The following CLVS1 variants were observed in gnomAD, a reference collection of about 807,000 sequenced individuals.
CLVS1 encodes clavesin 1.
Under a neutral mutation model 33.1 loss-of-function variants are expected in CLVS1, and 10 were observed. That is an observed-to-expected ratio of 0.30 (90% CI 0.19 to 0.51). The LOEUF (loss-of-function observed/expected upper bound fraction) is 0.51. Ranked by LOEUF, CLVS1 falls within the 20% of genes least tolerant of loss-of-function variation. The pLI is 0.97. For synonymous variants in CLVS1, 163 were observed against 166.1 expected (o/e 0.98, Z 0.14); for missense variants, 343 against 433.4 (o/e 0.79, Z 1.85).
chr8:61,019,626 G>A, the CLVS1 span, among the ~76,000 whole-genome samples: 1 of 152,122 alleles, frequency 6.6e-6, no homozygotes, highest in African/African-American at 2.4e-5. Context: ...ATTCTAGAAT[G>A]TCTTAAGCTC....
chr8:61,398,434 G>A (rs767835962), intron 3 of CLVS1, among the ~76,000 whole-genome samples: 12 of 151,898 alleles, frequency 7.9e-5, no homozygotes, highest in South Asian at 2.1e-4. Flanking sequence ...CACCTGCCTC[G>A]GCCTCCCAAA....
the CLVS1 span, among the ~76,000 whole-genome samples, chr8:61,019,500 C>CAAA: frequency 6.6e-6 from 1 of 152,146 alleles, no homozygotes; most frequent in Non-Finnish European, 1.5e-5. Flanking sequence ...TCAAACTCAA[C>CAAA]AATCACTAAG....
chr8:60,977,780 G>A, the CLVS1 span, among the ~76,000 whole-genome samples: 1 of 152,122 alleles, frequency 6.6e-6, no homozygotes, highest in Non-Finnish European at 1.5e-5. Context: ...CCTAATCTGA[G>A]GAAATACATG....
chr8:61,357,230 G>T (rs1453550725), intron 2 of CLVS1, among the ~76,000 whole-genome samples: 1 of 152,042 alleles, frequency 6.6e-6, no homozygotes, highest in East Asian at 1.9e-4. Flanking sequence ...AAAACAATAG[G>T]CTAAGCCAAA....
chr8:60,987,468 G>C, the CLVS1 span, among the ~76,000 whole-genome samples: 5 of 152,146 alleles, frequency 3.3e-5, no homozygotes, highest in African/African-American at 4.8e-5. Context: ...CTGTTTGTTG[G>C]AGGAAGGAAG....
chr8:61,463,863 T>TC (rs1041399139), intron 5 of CLVS1, among the ~76,000 whole-genome samples: 65 of 151,770 alleles, frequency 4.3e-4, no homozygotes, highest in African/African-American at 1.5e-3. Flanking sequence ...GCTCGGGAGT[T>TC]CAAGATCATC....
intron 1 of CLVS1, among the ~76,000 whole-genome samples, chr8:61,099,423 A>AT (rs1247464348): frequency 6.6e-6 from 1 of 152,016 alleles, no homozygotes; most frequent in Non-Finnish European, 1.5e-5. Flanking sequence ...TTTAACAAAT[A>AT]TTTTTCGAGT....
intron 4 of CLVS1, among the ~76,000 whole-genome samples, chr8:61,456,293 G>A (rs538837020): frequency 2.0e-5 from 3 of 152,272 alleles, no homozygotes; most frequent in Non-Finnish European, 4.4e-5. Flanking sequence ...GTTGGGTGGA[G>A]GGGTACAAAT....
In CLVS1 at chr8:61,501,118, C is replaced by T. The variant is rs1240498232; in HGVS notation, c.*1576C>T. On this transcript the variant is annotated 3_prime_UTR_variant, in exon 6 of 6. Coordinates refer to ENST00000325897, the MANE Select transcript of CLVS1 (RefSeq NM_173519.3). ...TTAAACTAATTCATTTTTGTGTAGA[C>T]ATACGAAATCACAAAAATAATAACA... 6.6e-6 allele frequency: 1 copy of T among 152,030 alleles called. No individual in the cohort carries two copies. Among genetic ancestry groups the T allele is most frequent in the Admixed American group, 6.5e-5 (1 of 15,268 alleles). The allele number at this position is 152,030 out of a possible 1,614,324, so 9.4% of individuals were successfully genotyped here. A position where few individuals can be genotyped will look rare whatever the true frequency, so the allele number is the denominator to read the frequency against.
chr8:61,464,265 C>A (rs1279814536), intron 5 of CLVS1, among the ~76,000 whole-genome samples: 1 of 152,116 alleles, frequency 6.6e-6, no homozygotes, highest in African/African-American at 2.4e-5. Flanking sequence ...ACGTGAAGCA[C>A]AGTAAAACAA....
intron 2 of CLVS1, among the ~76,000 whole-genome samples, chr8:61,212,234 A>G (rs1355175357): frequency 1.3e-5 from 2 of 152,118 alleles, no homozygotes; most frequent in African/African-American, 4.8e-5. Flanking sequence ...CTGGGGAGGA[A>G]CTCCCAGAAA....
intron 2 of CLVS1, among the ~76,000 whole-genome samples, chr8:61,361,227 A>C (rs1443464739): frequency 1.3e-5 from 2 of 152,186 alleles, no homozygotes; most frequent in African/African-American, 4.8e-5. Flanking sequence ...TTGGGATTAC[A>C]ATTCAACATG....
chr8:60,990,733 G>C, the CLVS1 span, among the ~76,000 whole-genome samples: 1 of 138,956 alleles, frequency 7.2e-6, no homozygotes, highest in Admixed American at 7.2e-5. Context: ...TTTTGAGACA[G>C]AGTCTCATTC....
intron 2 of CLVS1, among the ~76,000 whole-genome samples, chr8:61,152,812 G>C (rs1454835041): frequency 6.6e-6 from 1 of 152,208 alleles, no homozygotes; most frequent in African/African-American, 2.4e-5. Context: ...TTGGGGGTTA[G>C]GGGTTCAATA....
chr8:61,068,221 ATGTATG>A (rs200427757), intron 1 of CLVS1, among the ~76,000 whole-genome samples: 2,478 of 110,896 alleles, frequency 0.022, 88 homozygotes, highest in African/African-American at 0.098. Context: ...ATATATATGT[ATGTATG>A]TGTATATATA....
intron 1 of CLVS1, among the ~76,000 whole-genome samples, chr8:61,067,027 G>C (rs944085938): frequency 2.0e-5 from 3 of 151,914 alleles, no homozygotes; most frequent in South Asian, 2.1e-4. Context: ...GCCATAAATG[G>C]GGGGGGAGGG....
At position 61,458,467 on chromosome 8, in the gene CLVS1, C is replaced by T; in HGVS notation, c.902C>T (p.Thr301Ile). The T allele has an allele frequency of 1.9e-6, 3 of 1,614,020 alleles. No individual in the cohort carries two copies. The highest frequency in any genetic ancestry group is 2.5e-6 in the Non-Finnish European group (3 of 1,179,966). The change falls in exon 5 of 6, where the codon ACA becomes ATA. Residue 301 changes from threonine (T) to isoleucine (I), a missense_variant. Thr to Ile is a moderately conservative substitution (Grantham distance 89, BLOSUM62 -1). Around this residue, in one of 4 missense-constraint regions of CLVS1, gnomAD observed 86 missense variants for 95.0 expected, o/e 0.91. Coordinates refer to ENST00000325897, the MANE Select transcript of CLVS1 (RefSeq NM_173519.3). ...AGCGATGAAAATGACTATACTCACACATCCTATAATGCAATGCACGTGAAG... is the reference window on the plus strand; with the variant it reads ...AGCGATGAAAATGACTATACTCACATATCCTATAATGCAATGCACGTGAAG... ...DYSDENDYTH[T>I]SYNAMHVKHT...
the CLVS1 span, among the ~76,000 whole-genome samples, chr8:61,020,728 A>C: frequency 1.3e-5 from 2 of 152,238 alleles, no homozygotes; most frequent in Admixed American, 1.3e-4. Context: ...TTACTTTTGC[A>C]TGCCTCATGC....
At chr8:61,159,275 T>A (rs1806709492) in intron 2 of CLVS1, among the ~76,000 whole-genome samples, 1 of 152,224 alleles carries the variant, frequency 6.6e-6, no homozygotes. Flanking sequence ...GTTGAATGCA[T>A]GTTCTTCTGG....
Sources: allele counts gnomAD v4.1 joint callset (sites outside exome capture counted in the v4.1 genomes callset), GRCh38; gene constraint gnomAD v4.1.1; regional missense constraint gnomAD v4.1.1; transcripts MANE v1.5; gene names NCBI Gene and HGNC (gene_info 2026-07-23, HGNC 2026-07-21).